Variants in PCDH11X observed in about 807,000 individuals in gnomAD.
PCDH11X encodes protocadherin 11 X-linked.
PCDH11X carries 18 observed loss-of-function variants against 53.3 expected under a neutral mutation model. The ratio of observed to expected loss-of-function variants is 0.34; its 90% confidence interval spans 0.23 to 0.50. The LOEUF (loss-of-function observed/expected upper bound fraction) is 0.50, where lower values mean the gene tolerates loss of function less well. Ranked by LOEUF, PCDH11X falls within the 20% of genes least tolerant of loss-of-function variation. PCDH11X has a pLI of 0.98. For missense variants in PCDH11X, 570 were observed against 1,032.4 expected, an observed-to-expected ratio of 0.55 and a Z score of 6.14; for synonymous variants, 279 against 393.3, an observed-to-expected ratio of 0.71 and a Z score of 3.44.
At chrX:92,132,657 GTATATATATATGTATATGTATATA>G (rs1569376689) in intron 6 of PCDH11X, among the ~76,000 whole-genome samples, 1,116 of 54,343 alleles carry the variant, frequency 0.021, 17 homozygotes, top group African/African-American at 0.072. Context: ...ATATATATAT[GTATATATATATGTATATGTATATA>G]TATATGTATA....
intron 6 of PCDH11X, among the ~76,000 whole-genome samples, chrX:91,893,053 A>G (rs1289732874): frequency 5.5e-5 from 6 of 109,399 alleles, no homozygotes; most frequent in Non-Finnish European, 1.1e-4. Context: ...ATTTCCTTCC[A>G]TATCTTTTCA....
At chrX:92,481,601 G>A (rs1384794723) in intron 10 of PCDH11X, among the ~76,000 whole-genome samples, 1 of 110,671 alleles carries the variant, frequency 9.0e-6, no homozygotes, top group Non-Finnish European at 1.9e-5. Context: ...AGCAGACCAA[G>A]GGGTGCGCAG....
Position 92,007,054 on chromosome X carries a change from A to T in PCDH11X, c.3033+127781A>T, listed in dbSNP as rs374780971. 7.2e-5 allele frequency among the ~76,000 whole-genome samples: 8 copies of T among 110,813 alleles called. No individual in the cohort carries two copies. The East Asian group carries it at 1.7e-3, about 24-fold the overall frequency. ...CACCACTATGACCCTGCTGGGTCAC[A>T]CCTGAAGCCAGCACAGTGCTGGGTC... On this transcript the variant is annotated intron_variant, in intron 6 of 10. Transcript: ENST00000682573.
At chrX:92,248,775 G>A (rs2067401380) in intron 7 of PCDH11X, among the ~76,000 whole-genome samples, 1 of 111,116 alleles carries the variant, frequency 9.0e-6, no homozygotes, top group South Asian at 3.8e-4. Flanking sequence ...CGCCTCCTGG[G>A]TTCAAGCAAT....
At chrX:91,886,603 T>A (rs1940206353) in intron 6 of PCDH11X, among the ~76,000 whole-genome samples, 1 of 109,378 alleles carries the variant, frequency 9.1e-6, no homozygotes, top group South Asian at 3.9e-4. Flanking sequence ...AATTTTAATC[T>A]CATTCATTAA....
chrX:92,411,962 A>AG (rs1569482796), intron 9 of PCDH11X, among the ~76,000 whole-genome samples: 1 of 30,606 alleles, frequency 3.3e-5, no homozygotes, highest in African/African-American at 1.0e-4. Context: ...TGGGAGGAGG[A>AG]GGAGGAGGGA....
intron 10 of PCDH11X, among the ~76,000 whole-genome samples, chrX:92,505,404 A>G (rs2074040602): frequency 9.1e-6 from 1 of 109,694 alleles, no homozygotes; most frequent in South Asian, 3.8e-4. Flanking sequence ...GTCCTGTTTC[A>G]ATCTTCTGGA....
At chrX:92,187,056 C>T (rs1603135782) in intron 6 of PCDH11X, among the ~76,000 whole-genome samples, 1 of 111,793 alleles carries the variant, frequency 8.9e-6, no homozygotes, top group African/African-American at 3.2e-5. Flanking sequence ...GTATTAGCTT[C>T]CTGTTGCTGC....
At chrX:92,586,886 A>G (rs1381491546) in intron 10 of PCDH11X, among the ~76,000 whole-genome samples, 1 of 110,994 alleles carries the variant, frequency 9.0e-6, no homozygotes, top group Non-Finnish European at 1.9e-5. Context: ...ACCACATTTA[A>G]CTAAACACTG....
chrX:92,013,224 C>A (rs935405944), intron 6 of PCDH11X, among the ~76,000 whole-genome samples: 4 of 111,567 alleles, frequency 3.6e-5, no homozygotes, highest in African/African-American at 1.3e-4. Context: ...CACAAGCATT[C>A]TTATACACCA....
intron 6 of PCDH11X, among the ~76,000 whole-genome samples, chrX:91,988,166 T>C (rs1248809837): frequency 9.0e-6 from 1 of 111,165 alleles, no homozygotes. Context: ...ATTTTCTGTG[T>C]GAAGTTGGCT....
intron 7 of PCDH11X, among the ~76,000 whole-genome samples, chrX:92,254,855 TC>T (rs1446184448): frequency 2.8e-5 from 3 of 108,794 alleles, no homozygotes; most frequent in Non-Finnish European, 5.7e-5. Flanking sequence ...CTGACCTTTC[TC>T]TCTGGCTGCC....
chrX:91,800,635 T>C (rs1359826795), intron 1 of PCDH11X, among the ~76,000 whole-genome samples: 1 of 111,999 alleles, frequency 8.9e-6, no homozygotes, highest in Admixed American at 9.5e-5. Flanking sequence ...TTAATGTTCA[T>C]GTACCTAGTT....
chrX:92,080,978 A>T (rs1260741956), intron 6 of PCDH11X, among the ~76,000 whole-genome samples: 2 of 110,650 alleles, frequency 1.8e-5, no homozygotes, highest in African/African-American at 6.6e-5. Context: ...TTCACATGGA[A>T]ATTTCATATC....
intron 6 of PCDH11X, among the ~76,000 whole-genome samples, chrX:92,027,083 A>C (rs2148008909): frequency 9.0e-6 from 1 of 111,411 alleles, no homozygotes; most frequent in Non-Finnish European, 1.9e-5. Context: ...CCTTGTGTTA[A>C]AATATCCAGT....
intron 6 of PCDH11X, among the ~76,000 whole-genome samples, chrX:92,124,578 C>T (rs1160303219): frequency 9.3e-6 from 1 of 107,724 alleles, no homozygotes; most frequent in African/African-American, 3.4e-5. Flanking sequence ...AGTATAATAC[C>T]GCAAGAGGTG....
chrX:92,380,402 G>C (rs1245417627), intron 8 of PCDH11X, among the ~76,000 whole-genome samples: 1 of 112,022 alleles, frequency 8.9e-6, no homozygotes, highest in Non-Finnish European at 1.9e-5. Context: ...GGTGGAATAA[G>C]CCCAGTGGGC....
In PCDH11X at chrX:92,618,574, G is replaced by T; in HGVS notation, c.3678G>T (p.Val1226=). Residue 1226 remains valine, a synonymous_variant, in exon 11 of 11, where the codon GTG becomes GTT. Coordinates refer to ENST00000682573, the MANE Select transcript of PCDH11X (RefSeq NM_032968.5). ...CTCTCCACCACAGTCCTCCTCTAGT[G>T]CAGGCTACTGCACTTCACCACAGCC... ...VSALHHSPPL[V]QATALHHSPP... is the part of the protein sequence containing the mutation. The T allele has an allele frequency of 8.3e-7, 1 of 1,210,555 alleles. No individual in the cohort carries two copies. The highest frequency in any genetic ancestry group is 1.8e-5 in the South Asian group (1 of 56,874).
Position 92,063,370 on chromosome X carries a change from A to T in PCDH11X, c.3034-138005A>T, listed in dbSNP as rs187367228. On this transcript the variant is annotated intron_variant, in intron 6 of 10. Coordinates refer to ENST00000682573, the MANE Select transcript of PCDH11X (RefSeq NM_032968.5). ...AAAAAGCTATGCATTCAAAATTTTT[A>T]AAAAAATTCTTAAAGTGAGTTTTTA... Among the ~76,000 whole-genome samples the T allele has an allele frequency of 1.6e-3, 182 of 111,406 alleles. 2 individuals are homozygous for T. The highest frequency in any genetic ancestry group is 5.3e-3 in the African/African-American group (163 of 30,678).
Sources: allele counts gnomAD v4.1 joint callset (sites outside exome capture counted in the v4.1 genomes callset), GRCh38; gene constraint gnomAD v4.1.1; transcripts MANE v1.5; gene names NCBI Gene and HGNC (gene_info 2026-07-23, HGNC 2026-07-21).